KLC1: variants seen among roughly 807,000 people sequenced by gnomAD.
KLC1 encodes kinesin 2 60/70kDa.
In KLC1, 30 loss-of-function variants were observed where a neutral mutation model predicts 84.2. That is an observed-to-expected ratio of 0.36 (90% CI 0.27 to 0.48). The LOEUF (loss-of-function observed/expected upper bound fraction) is 0.48, where lower values mean the gene tolerates loss of function less well. KLC1 is among the 20% of genes least tolerant of loss of function. The probability of loss-of-function intolerance (pLI) is 0.99; values close to 1 mark genes in which losing one functional copy is unlikely to be tolerated. For missense variants in KLC1, 499 were observed against 805.4 expected, an observed-to-expected ratio of 0.62 and a Z score of 4.60; for synonymous variants, 289 against 293.3, an observed-to-expected ratio of 0.99 and a Z score of 0.15.
In KLC1 at chr14:103,694,180, C is replaced by T; in HGVS notation, c.1848+1755C>T. The T allele has an allele frequency of 1.0e-6, 1 of 985,876 alleles. No homozygotes were observed. The highest frequency in any genetic ancestry group is 1.2e-6 in the Non-Finnish European group (1 of 830,268). 61.1% of individuals were successfully genotyped at this position (985,876 alleles called of 1,614,324 possible). On this transcript the variant is annotated intron_variant, in intron 15 of 16. Coordinates refer to ENST00000334553, the MANE Select transcript of KLC1 (RefSeq NM_001394837.1). The surrounding 1 kb of genome is among the most constrained non-coding windows in gnomAD (Gnocchi z 4.5). ...TCCCCATGCCTGTGGCCCTGGGGCC[C>T]CATGCCCCCTTTTGAGCTGTGTTCT...
At position 103,677,515 on chromosome 14, in the gene KLC1, C is replaced by T. The variant is rs777849992; in HGVS notation, c.1480C>T (p.Arg494Cys). The T allele has an allele frequency of 1.9e-6, 3 of 1,609,932 alleles. No individual in the cohort carries two copies. The highest frequency in any genetic ancestry group is 1.7e-5 in the Admixed American group (1 of 59,992). Residue 494 changes from arginine to cysteine, a missense_variant, in exon 12 of 17, where the codon CGT becomes TGT. This residue lies in a region of KLC1 where 167 missense variants were observed against 208.8 expected (regional missense o/e 0.80). Coordinates refer to ENST00000334553, the MANE Select transcript of KLC1 (RefSeq NM_001394837.1). ...ETLEEAAMRS[R>C]KQGLDNVHKQ... ...GTTAGAAGAAGCTGCTATGAGGTCT[C>T]GTAAACAGGTTAGTCATACTTCTGT... is the stretch of plus-strand genomic sequence containing the variant.
intron 15 of KLC1, chr14:103,696,093 C>CGGGGGGGGGGGGGGGGGGGG: frequency 7.7e-6 from 1 of 129,320 alleles, no homozygotes. Flanking sequence ...AATCACTGCG[C>CGGGGGGGGGGGGGGGGGGGG]CCCCGCCCCC....
At chr14:103,688,308 C>T (rs967439933) in intron 14 of KLC1, among the ~76,000 whole-genome samples, 7 of 152,108 alleles carry the variant, frequency 4.6e-5, no homozygotes, top group Non-Finnish European at 1.0e-4. Flanking sequence ...TGCCACCACG[C>T]CTGGCTAGTT....
chr14:103,681,971 C>A (rs1432781256), intron 13 of KLC1, among the ~76,000 whole-genome samples: 5 of 152,168 alleles, frequency 3.3e-5, no homozygotes, highest in Non-Finnish European at 7.3e-5. Context: ...CCTGAGATTG[C>A]AAAGCAAACC....
chr14:103,646,785 G>GT (rs200904832), intron 1 of KLC1, among the ~76,000 whole-genome samples: 2,447 of 151,788 alleles, frequency 0.016, 36 homozygotes, highest in Middle Eastern at 0.027. Context: ...AATTTTTTTT[G>GT]TTTTTTTGTA....
At chr14:103,629,937 A>C (rs1457870937) in intron 1 of KLC1, among the ~76,000 whole-genome samples, 1 of 151,668 alleles carries the variant, frequency 6.6e-6, no homozygotes, top group Non-Finnish European at 1.5e-5. Context: ...GCGGGCGGGG[A>C]GGCCGGAGGC....
At position 103,693,686 on chromosome 14, in the gene KLC1, G is replaced by T. The variant is rs12586661; in HGVS notation, c.1848+1261G>T. ...GCCCCGCCCTGCCACGCCCCTCACC[G>T]CCCTGCCCGGAGGCGCCAGCCGCAC... On this transcript the variant is annotated intron_variant, in intron 15 of 16. Coordinates refer to ENST00000334553, the MANE Select transcript of KLC1 (RefSeq NM_001394837.1). This position sits in a 1 kb window ranked among gnomAD's most constrained non-coding sequence, Gnocchi z 5.1. 55 of 1,517,976 alleles carry T rather than the reference G, an allele frequency of 3.6e-5. No homozygotes were observed. The Admixed American group carries it at 7.1e-4, about 20-fold the overall frequency. 94.0% of individuals were successfully genotyped at this position (1,517,976 alleles called of 1,614,324 possible). A position where few individuals can be genotyped will look rare whatever the true frequency, so the allele number is the denominator to read the frequency against.
Position 103,662,719 on chromosome 14 carries a change from A to G in KLC1, c.589A>G (p.Ser197Gly), listed in dbSNP as rs145030246. 2.1e-5 allele frequency: 33 copies of G among 1,598,228 alleles called. No individual in the cohort carries two copies. Among genetic ancestry groups the G allele is most frequent in the Non-Finnish European group, 2.8e-5 (33 of 1,172,264 alleles). The change falls in exon 5 of 17, where the codon AGT (serine) becomes GGT (glycine). Residue 197 changes from serine (S) to glycine (G), a missense_variant. Ser to Gly is a moderately conservative substitution (Grantham distance 56). This residue lies in a region of KLC1 where 179 missense variants were observed against 264.2 expected (regional missense o/e 0.68). Coordinates refer to ENST00000334553, the MANE Select transcript of KLC1 (RefSeq NM_001394837.1). ...CGGTGCAGTCCAGCAGCAGCACAGC[A>G]GTGCAGCCGCGGCTGCCCAGCAGGG... is the stretch of plus-strand genomic sequence containing the variant. Reference protein sequence around the residue: ...PGQGIQQQHSSAAAAAQQGGY... With the variant: ...PGQGIQQQHSGAAAAAQQGGY...
chr14:103,685,571 T>G lies in KLC1; in HGVS notation c.1651-1510T>G, dbSNP rs887442134. 7.8e-6 allele frequency: 10 copies of G among 1,289,240 alleles called. No individual in the cohort carries two copies. In the Admixed American group the frequency reaches 1.8e-4, roughly 24 times the overall value. The allele number at this position is 1,289,240 out of a possible 1,614,324, so 79.9% of individuals were successfully genotyped here. ...AGAAATACTGTAAGCCAGGCTGTTA[T>G]GCAGAGCCTGTTGCCTTTCCTCGCC... is the stretch of plus-strand genomic sequence containing the variant. On this transcript the variant is annotated intron_variant, in intron 13 of 16. Coordinates refer to ENST00000334553, the MANE Select transcript of KLC1 (RefSeq NM_001394837.1).
intron 15 of KLC1, chr14:103,698,510 C>T (rs977087080): frequency 1.0e-5 from 5 of 485,382 alleles, no homozygotes; most frequent in African/African-American, 7.8e-5. Context: ...CCCCAGGCTC[C>T]AGCCCTGAGA....
intron 1 of KLC1, among the ~76,000 whole-genome samples, chr14:103,637,338 T>A (rs1343408760): frequency 1.3e-5 from 2 of 151,938 alleles, no homozygotes; most frequent in Non-Finnish European, 2.9e-5. Context: ...GAGACTACCC[T>A]GGCCAGTATG....
intron 1 of KLC1, among the ~76,000 whole-genome samples, chr14:103,649,241 G>A (rs1362719639): frequency 6.6e-6 from 1 of 152,124 alleles, no homozygotes; most frequent in Admixed American, 6.6e-5. Context: ...AGTCCAGCCT[G>A]GGCAACATAG....
chr14:103,696,094 C>CGGGG, intron 15 of KLC1: 1 of 185,184 alleles, frequency 5.4e-6, no homozygotes, highest in Non-Finnish European at 6.4e-6. Flanking sequence ...ATCACTGCGC[C>CGGGG]CCCGCCCCCC....
At position 103,693,207 on chromosome 14, in the gene KLC1, G is replaced by A. The variant is rs1302659120; in HGVS notation, c.1848+782G>A. On this transcript the variant is annotated intron_variant, in intron 15 of 16. Transcript: ENST00000334553. The surrounding 1 kb of genome is among the most constrained non-coding windows in gnomAD (Gnocchi z 5.1). ...ATCCTCACAGACAGGCCAGTGCCCC[G>A]ACCTGTCCCCCAACACTCTTGGGAG... 6.6e-6 allele frequency among the ~76,000 whole-genome samples: 1 copy of A among 151,844 alleles called. No homozygotes were observed. Among genetic ancestry groups the A allele is most frequent in the East Asian group, 2.0e-4 (1 of 5,112 alleles).
chr14:103,697,180 G>A, intron 15 of KLC1: 3 of 959,906 alleles, frequency 3.1e-6, no homozygotes, highest in Middle Eastern at 5.3e-4. Context: ...CAGAAAGGCT[G>A]TTTTGTAAAA....
chr14:103,686,965 G>A, intron 13 of KLC1, 116 bp from the exon 14 acceptor site: 1 of 611,010 alleles, frequency 1.6e-6, no homozygotes, highest in Non-Finnish European at 2.8e-6. Context: ...TCTGTCAGCA[G>A]TGAGCTGCTG....
intron 9 of KLC1, among the ~76,000 whole-genome samples, chr14:103,674,358 A>G (rs777542189): frequency 7.9e-5 from 12 of 151,870 alleles, no homozygotes; most frequent in Non-Finnish European, 1.8e-4. Flanking sequence ...GTTGTCTAGA[A>G]ACTTGCGTGA....
At chr14:103,644,598 A>T (rs1289220719) in intron 1 of KLC1, among the ~76,000 whole-genome samples, 1 of 151,908 alleles carries the variant, frequency 6.6e-6, no homozygotes, top group Admixed American at 6.6e-5. Context: ...GGAAGTATAG[A>T]GAATATTCTC....
chr14:103,653,246 C>T (rs1439937261), intron 1 of KLC1, among the ~76,000 whole-genome samples: 3 of 152,146 alleles, frequency 2.0e-5, no homozygotes, highest in South Asian at 2.1e-4. Context: ...TGGACTCAAG[C>T]GATCCTTGTG....
Sources: gnomAD v4.1 joint callset for allele counts (sites outside exome capture counted in the v4.1 genomes callset) on GRCh38, gnomAD v4.1.1 for gene constraint, gnomAD v4.1.1 regional missense constraint, Gnocchi (gnomAD v3.1) non-coding constraint, MANE v1.5 for transcripts, NCBI Gene and HGNC (gene_info 2026-07-23, HGNC 2026-07-21) for gene names.